ASAP1: variants seen among roughly 807,000 people sequenced by gnomAD.
ASAP1 encodes arf-GAP with SH3 domain, ANK repeat and PH domain-containing protein 1.
ASAP1 carries 43 observed loss-of-function variants against 145.2 expected under a neutral mutation model. The ratio of observed to expected loss-of-function variants is 0.30; its 90% confidence interval spans 0.23 to 0.38. ASAP1 has a LOEUF of 0.38. ASAP1 is among the 10% of genes least tolerant of loss of function. The probability of loss-of-function intolerance (pLI) is 1.00; values close to 1 mark genes in which losing one functional copy is unlikely to be tolerated. For synonymous variants in ASAP1, 546 were observed against 515.5 expected (o/e 1.06, Z -0.80); for missense variants, 1,018 against 1,355.3 (o/e 0.75, Z 3.91).
intron 23 of ASAP1, 89 bp from the exon 24 acceptor site, chr8:130,112,411 A>C (rs2097548400): frequency 8.9e-7 from 1 of 1,120,736 alleles, no homozygotes; most frequent in Admixed American, 2.5e-5. Context: ...TCAGGTGGGA[A>C]TCTGGGTTCC....
chr8:130,406,318 GGAT>G (rs1230248798), intron 1 of ASAP1, among the ~76,000 whole-genome samples: 1 of 152,004 alleles, frequency 6.6e-6, no homozygotes, highest in African/African-American at 2.4e-5. Context: ...ACTGGGCACT[GGAT>G]GATGATGATG....
At chr8:130,212,545 A>T (rs1390849859) in intron 5 of ASAP1, among the ~76,000 whole-genome samples, 1 of 152,138 alleles carries the variant, frequency 6.6e-6, no homozygotes, top group Non-Finnish European at 1.5e-5. Flanking sequence ...CTAATAGGGT[A>T]AATGAACAAG....
At chr8:130,188,626 T>C (rs1365964071) in intron 5 of ASAP1, among the ~76,000 whole-genome samples, 4 of 144,222 alleles carry the variant, frequency 2.8e-5, no homozygotes, top group Non-Finnish European at 4.5e-5. Context: ...TCCAGCTACC[T>C]GGGAGGCTGA....
chr8:130,146,597 G>A (rs1412819964), intron 13 of ASAP1, among the ~76,000 whole-genome samples: 5 of 152,292 alleles, frequency 3.3e-5, no homozygotes, highest in South Asian at 4.1e-4. Context: ...ACAGAAACAA[G>A]GTTACTGAAT....
chr8:130,097,574 T>C lies in ASAP1; in HGVS notation c.2402-5431A>G, dbSNP rs2097521177. Among the ~76,000 whole-genome samples, 6 of 152,160 alleles carry C rather than the reference T, an allele frequency of 3.9e-5. No individual in the cohort carries two copies. In the South Asian group the frequency reaches 1.2e-3, roughly 32 times the overall value. On this transcript the variant is annotated intron_variant, in intron 24 of 29. Transcript: ENST00000518721. ...GTCCTTAGCCTCGGGGATGCCTCTG[T>C]CTGAGGTCTATGTCAGAAGTGTGCC...
At chr8:130,093,326 T>C (rs1246725553) in intron 24 of ASAP1, among the ~76,000 whole-genome samples, 2 of 152,136 alleles carry the variant, frequency 1.3e-5, no homozygotes, top group Non-Finnish European at 2.9e-5. Flanking sequence ...ATTTAAGGTA[T>C]ATGGTTTAAC....
chr8:130,258,316 C>CTGTTT (rs1317803558), intron 3 of ASAP1, among the ~76,000 whole-genome samples: 2 of 152,230 alleles, frequency 1.3e-5, no homozygotes, highest in Non-Finnish European at 2.9e-5. Context: ...AGGACAGTCC[C>CTGTTT]TGTTTACACC....
chr8:130,337,530 G>A (rs1245420463), intron 3 of ASAP1, among the ~76,000 whole-genome samples: 1 of 152,144 alleles, frequency 6.6e-6, no homozygotes, highest in Non-Finnish European at 1.5e-5. Context: ...ATCCTAACAT[G>A]TCCATGATAA....
Position 130,106,914 on chromosome 8 carries a change from CCTT to C in ASAP1, c.2401+5177_2401+5179del, listed in dbSNP as rs1229214887. Among the ~76,000 whole-genome samples the C allele has an allele frequency of 1.1e-4, 17 of 152,290 alleles. No individual in the cohort carries two copies. In the East Asian group the frequency reaches 2.9e-3, roughly 26 times the overall value. On this transcript the variant is annotated intron_variant, in intron 24 of 29. Transcript: ENST00000518721. ...GCCCTGAGAGTGGGAGGTACTTCTT[CCTT>C]CTTCTTTACATTTCCAGTGCCCAGA...
At chr8:130,274,741 T>C (rs1820781899) in intron 3 of ASAP1, among the ~76,000 whole-genome samples, 1 of 152,216 alleles carries the variant, frequency 6.6e-6, no homozygotes, top group Admixed American at 6.5e-5. Context: ...ACAGAGCAGA[T>C]GTATGCTGAA....
chr8:130,425,043 G>C (rs750280007), intron 1 of ASAP1, among the ~76,000 whole-genome samples: 1 of 147,536 alleles, frequency 6.8e-6, no homozygotes, highest in Non-Finnish European at 1.5e-5. Context: ...CAAACAGTGT[G>C]GGTCAGGCCG....
At chr8:130,133,935 A>C (rs911855374) in intron 15 of ASAP1, among the ~76,000 whole-genome samples, 1 of 152,224 alleles carries the variant, frequency 6.6e-6, no homozygotes, top group African/African-American at 2.4e-5. Flanking sequence ...ATGTGATTAA[A>C]AGATGCATAA....
At chr8:130,414,400 G>C (rs1272845400) in intron 1 of ASAP1, among the ~76,000 whole-genome samples, 2 of 152,346 alleles carry the variant, frequency 1.3e-5, no homozygotes, top group Admixed American at 1.3e-4. Flanking sequence ...GTGCAGAGAA[G>C]CAGAAGGAAA....
chr8:130,360,086 G>C (rs955946999), intron 2 of ASAP1, among the ~76,000 whole-genome samples: 2 of 152,216 alleles, frequency 1.3e-5, no homozygotes, highest in Non-Finnish European at 2.9e-5. Context: ...TATTTACTAA[G>C]CACTATGTGC....
Position 130,256,739 on chromosome 8 carries a change from TTATATATATATATATA to T in ASAP1, c.187-19761_187-19746del, listed in dbSNP as rs58245112. ...ATCTTCTTCCTGAATATACACATTCTTATATATATATATATATATATATATATATATATATATATAT... is the reference window on the plus strand; with the variant it reads ...ATCTTCTTCCTGAATATACACATTCTTATATATATATATATATATATATAT... On this transcript the variant is annotated intron_variant, in intron 3 of 29. Coordinates refer to ENST00000518721, the MANE Select transcript of ASAP1 (RefSeq NM_018482.4). Among the ~76,000 whole-genome samples the T allele has an allele frequency of 6.3e-3, 603 of 95,902 alleles. 17 individuals carry two copies. Among genetic ancestry groups the T allele is most frequent in the African/African-American group, 0.018 (392 of 22,390 alleles). The allele number at this position is 95,902 out of a possible 152,430, so 62.9% of individuals were successfully genotyped here. A position where few individuals can be genotyped will look rare whatever the true frequency, so the allele number is the denominator to read the frequency against.
rs1327635814 is a variant in ASAP1 at position 130,054,794 on chromosome 8, G to A, written c.3327C>T (p.Ile1109=). 3.0e-5 allele frequency: 48 copies of A among 1,613,304 alleles called. No individual in the cohort carries two copies. Among genetic ancestry groups the A allele is most frequent in the Non-Finnish European group, 3.6e-5 (43 of 1,179,490 alleles). The stretch of plus-strand genomic sequence containing the variant: ...CCCCCTTCCTTTCAGGCTGTCCTTC[G>A]ATGTGGCCAATCTGCAGGGAGAAAA... ...EEDQEWWIGH[I]EGQPERKGVF... The change falls in exon 30 of 30, where the codon ATC becomes ATT. Residue 1109 remains isoleucine (I), a synonymous_variant. Transcript: ENST00000518721.
chr8:130,300,199 G>T (rs1822578985), intron 3 of ASAP1, among the ~76,000 whole-genome samples: 1 of 147,842 alleles, frequency 6.8e-6, no homozygotes, highest in African/African-American at 2.5e-5. Context: ...GAGCGAGCGA[G>T]CAGTCAATAC....
chr8:130,154,556 A>T (rs986178147), intron 12 of ASAP1, among the ~76,000 whole-genome samples: 2 of 152,202 alleles, frequency 1.3e-5, no homozygotes, highest in Non-Finnish European at 2.9e-5. Flanking sequence ...GTGGAAACAA[A>T]TGACATCAGG....
At chr8:130,098,735 T>C (rs1309712839) in intron 24 of ASAP1, among the ~76,000 whole-genome samples, 2 of 152,228 alleles carry the variant, frequency 1.3e-5, no homozygotes, top group African/African-American at 2.4e-5. Context: ...AATGATCAAA[T>C]CAGGGTAGCT....
Sources: allele counts gnomAD v4.1 joint callset (sites outside exome capture counted in the v4.1 genomes callset), GRCh38; gene constraint gnomAD v4.1.1; transcripts MANE v1.5; gene names NCBI Gene and HGNC (gene_info 2026-07-23, HGNC 2026-07-21).